The following MINPP1 variants were observed in gnomAD, a reference collection of about 807,000 sequenced individuals.
MINPP1 encodes multiple inositol-polyphosphate phosphatase 1.
MINPP1 carries 28 observed loss-of-function variants against 46.1 expected under a neutral mutation model. The ratio of observed to expected loss-of-function variants is 0.61; its 90% CI spans 0.45 to 0.83. MINPP1 has a LOEUF of 0.83. Ranked by LOEUF, MINPP1 falls within the 40% of genes least tolerant of loss-of-function variation. MINPP1 has a pLI of 0.00. For synonymous variants in MINPP1, 268 were observed against 249.1 expected (o/e 1.08, Z -0.72); for missense variants, 603 against 610.0 (o/e 0.99, Z 0.12).
At chr10:87,530,486 C>A (rs574960026) in intron 4 of MINPP1, among the ~76,000 whole-genome samples, 1 of 152,126 alleles carries the variant, frequency 6.6e-6, no homozygotes, top group Non-Finnish European at 1.5e-5. Flanking sequence ...CACTCCAGAC[C>A]CTGTTTGCCT....
chr10:87,507,715 T>G, intron 1 of MINPP1: 2 of 417,560 alleles, frequency 4.8e-6, no homozygotes, highest in Non-Finnish European at 6.4e-6. Context: ...TGTTGCCCAA[T>G]TGGGGGCATA....
At chr10:87,526,144 A>G (rs1462141075) in intron 4 of MINPP1, among the ~76,000 whole-genome samples, 1 of 152,210 alleles carries the variant, frequency 6.6e-6, no homozygotes, top group East Asian at 1.9e-4. Context: ...GTCTTCCACA[A>G]TGGTTGAACT....
At chr10:87,531,581 G>A (rs1404815780) in intron 4 of MINPP1, among the ~76,000 whole-genome samples, 1 of 152,158 alleles carries the variant, frequency 6.6e-6, no homozygotes, top group Non-Finnish European at 1.5e-5. Context: ...TATGGATGCT[G>A]CAGATTCCTT....
chr10:87,544,700 C>T lies in MINPP1; in HGVS notation c.1068-7382C>T, dbSNP rs77091479. On this transcript the variant is annotated intron_variant, in intron 4 of 4. Transcript: ENST00000371996. The stretch of plus-strand genomic sequence containing the variant: ...CATTGGAACCTTAAGAAAGAAGCCT[C>T]TCTCCTTTCTTACGGAGCCTAGAGG... Among the ~76,000 whole-genome samples the T allele has an allele frequency of 7.0e-4, 107 of 152,162 alleles. No homozygotes were observed. The East Asian group carries it at 0.02, about 28-fold the overall frequency.
chr10:87,513,408 T>C (rs1851364892), intron 3 of MINPP1, among the ~76,000 whole-genome samples, 187 bp downstream of exon 3: 1 of 152,218 alleles, frequency 6.6e-6, no homozygotes, highest in Admixed American at 6.5e-5. Flanking sequence ...TCCCACCTAC[T>C]TGTAAATAGT....
chr10:87,505,040 C>G lies in MINPP1; in HGVS notation c.125C>G (p.Ser42Trp). Residue 42 changes from serine to tryptophan, a missense_variant, in exon 1 of 5, where the codon TCG (serine) becomes TGG (tryptophan). Transcript: ENST00000371996. The surrounding 1 kb of genome is among the most constrained non-coding windows in gnomAD (Gnocchi z 4.4). ...GAGCCGAGGGACCCGGTGGCCTCGT[C>G]GCTCAGCCCCTATTTCGGCACCAAG... is the stretch of plus-strand genomic sequence containing the variant. ...LLEPRDPVASSLSPYFGTKTR... is the reference protein window; with the variant it reads ...LLEPRDPVASWLSPYFGTKTR... 1 of 1,613,298 alleles carries G rather than the reference C, an allele frequency of 6.2e-7. No homozygotes were observed. The highest frequency in any genetic ancestry group is 8.5e-7 in the Non-Finnish European group (1 of 1,179,918).
intron 4 of MINPP1, among the ~76,000 whole-genome samples, chr10:87,522,659 A>G (rs143964641): frequency 2.7e-3 from 409 of 152,316 alleles, no homozygotes; most frequent in African/African-American, 9.6e-3. Flanking sequence ...GAGAGTTGTA[A>G]TCTTTTTGCA....
intron 4 of MINPP1, among the ~76,000 whole-genome samples, chr10:87,550,553 CCTT>C (rs1395268123): frequency 6.6e-6 from 1 of 152,046 alleles, no homozygotes; most frequent in Non-Finnish European, 1.5e-5. Flanking sequence ...TTATTCTGCT[CCTT>C]ATTTTTTCTT....
At chr10:87,513,049 A>G (rs1851358073) in intron 2 of MINPP1, 75 bp from the exon 3 acceptor site, 2 of 994,674 alleles carry the variant, frequency 2.0e-6, no homozygotes, top group Non-Finnish European at 3.2e-6. Flanking sequence ...CACACATGGC[A>G]TTCTACAGAT....
chr10:87,531,485 G>A (rs751944827), intron 4 of MINPP1, among the ~76,000 whole-genome samples: 5 of 152,198 alleles, frequency 3.3e-5, no homozygotes, highest in Non-Finnish European at 5.9e-5. Flanking sequence ...TGCATGGCTT[G>A]TAGTAGCAGG....
At chr10:87,509,437 C>T (rs1229860343) in intron 2 of MINPP1, among the ~76,000 whole-genome samples, 1 of 152,172 alleles carries the variant, frequency 6.6e-6, no homozygotes, top group Non-Finnish European at 1.5e-5. Flanking sequence ...TTGGCATCGC[C>T]TGTGGAGCTT....
chr10:87,547,569 A>G (rs1387564437), intron 4 of MINPP1, among the ~76,000 whole-genome samples: 1 of 152,222 alleles, frequency 6.6e-6, no homozygotes, highest in Non-Finnish European at 1.5e-5. Flanking sequence ...AATTTATGGT[A>G]TACCTGTGGT....
chr10:87,524,689 T>C (rs1489747294), intron 4 of MINPP1, among the ~76,000 whole-genome samples: 1 of 152,180 alleles, frequency 6.6e-6, no homozygotes, highest in African/African-American at 2.4e-5. Context: ...CATTGTAGGA[T>C]TATTAATTGA....
chr10:87,517,018 C>T (rs1277228889), intron 3 of MINPP1, among the ~76,000 whole-genome samples: 1 of 151,940 alleles, frequency 6.6e-6, no homozygotes, highest in African/African-American at 2.4e-5. Flanking sequence ...ATGGTGAGAA[C>T]ACATGGACAG....
intron 4 of MINPP1, among the ~76,000 whole-genome samples, chr10:87,526,164 T>G (rs1851573588): frequency 6.6e-6 from 1 of 152,236 alleles, no homozygotes; most frequent in Admixed American, 6.5e-5. Flanking sequence ...TAGTTTACAG[T>G]CCAACCAACA....
intron 2 of MINPP1, 62 bp downstream of exon 2, chr10:87,508,595 T>C: frequency 6.8e-7 from 1 of 1,472,956 alleles, no homozygotes; most frequent in Non-Finnish European, 9.5e-7. Flanking sequence ...ACTGTGAAAA[T>C]GAAAACATAA....
At chr10:87,527,944 A>G (rs1331342068) in intron 4 of MINPP1, among the ~76,000 whole-genome samples, 2 of 152,104 alleles carry the variant, frequency 1.3e-5, no homozygotes, top group Admixed American at 6.5e-5. Context: ...GGGAGGGTGT[A>G]TGTGTCCAGG....
intron 4 of MINPP1, among the ~76,000 whole-genome samples, chr10:87,521,590 C>T (rs1382753097): frequency 6.6e-6 from 1 of 152,086 alleles, no homozygotes; most frequent in Non-Finnish European, 1.5e-5. Flanking sequence ...TTGGGACTTG[C>T]TTTGTTTCCC....
At chr10:87,543,583 G>T (rs1851847389) in intron 4 of MINPP1, among the ~76,000 whole-genome samples, 1 of 152,120 alleles carries the variant, frequency 6.6e-6, no homozygotes, top group Admixed American at 6.5e-5. Flanking sequence ...GAGTCTGAGG[G>T]GTCAAGGTTG....
Sources: gnomAD v4.1 joint callset for allele counts (sites outside exome capture counted in the v4.1 genomes callset) on GRCh38, gnomAD v4.1.1 for gene constraint, Gnocchi (gnomAD v3.1) non-coding constraint, MANE v1.5 for transcripts, NCBI Gene and HGNC (gene_info 2026-07-23, HGNC 2026-07-21) for gene names.